Variants in AKT3 observed in about 807,000 individuals in gnomAD.
AKT3 encodes the protein AKT serine/threonine kinase 3, also known as RAC-gamma serine/threonine-protein kinase.
A neutral mutation model predicts 65.3 loss-of-function variants in AKT3; 15 were observed. The observed-to-expected ratio is 0.23, with a 90% CI of 0.15 to 0.35. The LOEUF is 0.35. Among genes scored for constraint, AKT3 ranks in the 10% least tolerant of loss-of-function variants. The pLI is 1.00. For missense variants in AKT3, 243 were observed against 576.5 expected (o/e 0.42, Z 5.92); for synonymous variants, 206 against 183.8 (o/e 1.12, Z -0.98).
intron 1 of AKT3, among the ~76,000 whole-genome samples, chr1:243,846,354 G>A (rs886273799): frequency 6.6e-6 from 1 of 151,852 alleles, no homozygotes; most frequent in Non-Finnish European, 1.5e-5. Context: ...ATATATATAG[G>A]AATTATCTAA....
intron 9 of AKT3, 88 bp from the exon 10 acceptor site, chr1:243,563,936 A>T: frequency 7.4e-7 from 1 of 1,345,014 alleles, no homozygotes; most frequent in African/African-American, 1.5e-5. Context: ...ATGCTGAGTA[A>T]GGTATTTTGG....
Position 243,827,737 on chromosome 1 carries a change from AAAATATAGGAGC to A in AKT3, c.46+15376_46+15387del, listed in dbSNP as rs1421692247. On this transcript the variant is annotated intron_variant, in intron 2 of 13. Transcript: ENST00000673466. Reference sequence around the variant, plus strand: ...TATTTCATTTAAGAAAAAGTGTTGAAAAATATAGGAGCAGTATCATAATGAAGACCAAATCTA... The same window carrying A: ...TATTTCATTTAAGAAAAAGTGTTGAAAGTATCATAATGAAGACCAAATCTA... Among the ~76,000 whole-genome samples the A allele has an allele frequency of 3.3e-5, 5 of 152,178 alleles. No homozygotes were observed. The South Asian group carries it at 8.3e-4, about 25-fold the overall frequency.
At chr1:243,728,016 T>G (rs1687320018) in intron 2 of AKT3, among the ~76,000 whole-genome samples, 1 of 152,184 alleles carries the variant, frequency 6.6e-6, no homozygotes, top group Non-Finnish European at 1.5e-5. Context: ...ATGACATTAA[T>G]AGTTTAACAG....
chr1:243,787,969 G>A (rs1166719960), intron 2 of AKT3, among the ~76,000 whole-genome samples: 5 of 152,112 alleles, frequency 3.3e-5, no homozygotes, highest in African/African-American at 1.2e-4. Flanking sequence ...AAAATAGTGT[G>A]TCGACAAAGC....
intron 8 of AKT3, among the ~76,000 whole-genome samples, chr1:243,584,959 A>T (rs1010510056): frequency 1.3e-5 from 2 of 152,096 alleles, no homozygotes; most frequent in African/African-American, 4.8e-5. Context: ...AAAAAGTATA[A>T]CTATCTCTCT....
chr1:243,748,324 C>A (rs1478474136), intron 2 of AKT3, among the ~76,000 whole-genome samples: 1 of 147,154 alleles, frequency 6.8e-6, no homozygotes, highest in Non-Finnish European at 1.5e-5. Context: ...CAAAGCTATA[C>A]TGATTGAACA....
chr1:243,829,946 G>A (rs920578503), intron 2 of AKT3, among the ~76,000 whole-genome samples: 3 of 152,134 alleles, frequency 2.0e-5, no homozygotes, highest in Non-Finnish European at 2.9e-5. Context: ...TCCCTGCACC[G>A]ATCACATCTG....
intron 2 of AKT3, among the ~76,000 whole-genome samples, chr1:243,780,665 A>C: frequency 6.6e-6 from 1 of 151,810 alleles, no homozygotes; most frequent in Non-Finnish European, 1.5e-5. Context: ...GGAAAAAAGA[A>C]AGATAATACA....
intron 13 of AKT3, chr1:243,489,050 C>CCAG: frequency 6.2e-7 from 1 of 1,613,436 alleles, no homozygotes; most frequent in Non-Finnish European, 8.5e-7. Flanking sequence ...AGGCCACAGC[C>CCAG]CAGCAGCTGG....
At chr1:243,831,405 T>C (rs943714475) in intron 2 of AKT3, among the ~76,000 whole-genome samples, 3 of 152,152 alleles carry the variant, frequency 2.0e-5, no homozygotes, top group Non-Finnish European at 2.9e-5. Context: ...GACCATGATC[T>C]GGGTAAATAA....
At chr1:243,652,771 CAAAAAAAAAA>C (rs371580711) in intron 4 of AKT3, among the ~76,000 whole-genome samples, 18 of 31,296 alleles carry the variant, frequency 5.8e-4, no homozygotes, top group South Asian at 2.5e-3. Context: ...AAATAGAAAG[CAAAAAAAAAA>C]AAAAAAAAAA....
chr1:243,658,864 C>A (rs549174621), intron 4 of AKT3, among the ~76,000 whole-genome samples: 1,572 of 82,346 alleles, frequency 0.019, no homozygotes, highest in South Asian at 0.027. Context: ...CTTGTCTCTA[C>A]AAAAAAAAAA....
At chr1:243,685,878 CCTT>C (rs1684256882) in intron 3 of AKT3, among the ~76,000 whole-genome samples, 1 of 152,142 alleles carries the variant, frequency 6.6e-6, no homozygotes, top group African/African-American at 2.4e-5. Context: ...GCCCCAATCT[CCTT>C]AAGCTGATAA....
chr1:243,732,197 A>T (rs2148148072), intron 2 of AKT3, among the ~76,000 whole-genome samples: 1 of 152,298 alleles, frequency 6.6e-6, no homozygotes, highest in African/African-American at 2.4e-5. Flanking sequence ...AGAGCCCAGA[A>T]CGGTCAGGAC....
At chr1:243,632,181 T>C (rs1679656625) in intron 6 of AKT3, among the ~76,000 whole-genome samples, 1 of 152,220 alleles carries the variant, frequency 6.6e-6, no homozygotes, top group African/African-American at 2.4e-5. Context: ...TTACTATCTA[T>C]GGCAGTAATT....
Position 243,850,031 on chromosome 1 carries a change from G to A in AKT3, c.-113+9C>T. The A allele has an allele frequency of 1.0e-6, 1 of 987,344 alleles. No homozygotes were observed. Among genetic ancestry groups the A allele is most frequent in the Non-Finnish European group, 1.2e-6 (1 of 831,708 alleles). The allele number at this position is 987,344 out of a possible 1,614,324, so 61.2% of individuals were successfully genotyped here. On this transcript the variant is annotated intron_variant, in intron 1 of 13. Transcript: ENST00000673466. ...GGAGGGGGCTAGAGTTGGGGGCGGTGGCTGTTACCTGCAACGGCGGCGGCG... is the reference window on the plus strand; with the variant it reads ...GGAGGGGGCTAGAGTTGGGGGCGGTAGCTGTTACCTGCAACGGCGGCGGCG...
At chr1:243,541,276 A>G (rs1454573059) in intron 12 of AKT3, among the ~76,000 whole-genome samples, 1 of 152,228 alleles carries the variant, frequency 6.6e-6, no homozygotes, top group African/African-American at 2.4e-5. Flanking sequence ...CACTTTATTT[A>G]GACAATCAAT....
chr1:243,832,160 A>AAAAAAAAAAAAAAAT (rs1572424209), intron 2 of AKT3, among the ~76,000 whole-genome samples: 1 of 84,612 alleles, frequency 1.2e-5, no homozygotes, highest in East Asian at 3.3e-4. Flanking sequence ...AAAAAAAAAA[A>AAAAAAAAAAAAAAAT]AAAAGACTAG....
intron 12 of AKT3, among the ~76,000 whole-genome samples, chr1:243,524,875 T>TCTC (rs1291770318): frequency 6.6e-6 from 1 of 151,960 alleles, no homozygotes; most frequent in Non-Finnish European, 1.5e-5. Context: ...AAAGAGGAGG[T>TCTC]GGGCACTAGG....
Sources: allele counts gnomAD v4.1 joint callset (sites outside exome capture counted in the v4.1 genomes callset), GRCh38; gene constraint gnomAD v4.1.1; transcripts MANE v1.5; gene names NCBI Gene and HGNC (gene_info 2026-07-23, HGNC 2026-07-21).